Variants in TNC observed in about 807,000 individuals in gnomAD.
The protein encoded by TNC is tenascin C.
In TNC, 109 loss-of-function variants were observed where a neutral mutation model predicts 202.4. The ratio of observed to expected loss-of-function variants is 0.54; its 90% CI spans 0.46 to 0.63. The LOEUF (loss-of-function observed/expected upper bound fraction) is 0.63. Among genes scored for constraint, TNC ranks in the 30% least tolerant of loss-of-function variants. TNC has a pLI of 0.00. For missense variants in TNC, 2,756 were observed against 2,833.3 expected (o/e 0.97, Z 0.62); for synonymous variants, 1,007 against 1,089.7 (o/e 0.92, Z 1.50).
intron 2 of TNC, among the ~76,000 whole-genome samples, chr9:115,088,761 T>C (rs532173741): frequency 2.0e-5 from 3 of 152,014 alleles, no homozygotes; most frequent in South Asian, 2.1e-4. Flanking sequence ...TGGTGGCCCT[T>C]GGCCACATGT....
chr9:115,071,786 T>G lies in TNC; in HGVS notation c.3214+1817A>C, dbSNP rs143411234. Among the ~76,000 whole-genome samples, 971 of 152,276 alleles carry G rather than the reference T, an allele frequency of 6.4e-3. 13 individuals carry two copies. Among genetic ancestry groups the G allele is most frequent in the African/African-American group, 0.023 (938 of 41,546 alleles). ...AAAGAAAAGAGAGGGATTTCATCTT[T>G]TGGGCATTTCTGATTCATTTGTTGC... On this transcript the variant is annotated intron_variant, in intron 10 of 27. Coordinates refer to ENST00000350763, the MANE Select transcript of TNC (RefSeq NM_002160.4).
chr9:115,095,365 A>G lies in TNC; in HGVS notation c.-136-4211T>C, dbSNP rs191395165. 8.4e-4 allele frequency among the ~76,000 whole-genome samples: 127 copies of G among 151,088 alleles called. No homozygotes were observed. In the Middle Eastern group the frequency reaches 0.017, roughly 21 times the overall value. ...CCTACTTTGGCATATGTCTGTTTTT[A>G]AGCAAAGACAAGAGTTCTACAGCAA... On this transcript the variant is annotated intron_variant, in intron 1 of 27. Coordinates refer to ENST00000350763, the MANE Select transcript of TNC (RefSeq NM_002160.4).
chr9:115,029,039 A>G (rs7857539), intron 25 of TNC, among the ~76,000 whole-genome samples: 2 of 148,796 alleles, frequency 1.3e-5, no homozygotes, highest in African/African-American at 4.9e-5. Context: ...TCTCTGGAAA[A>G]AAAAAAAAAA....
rs1588238713 is a variant in TNC, at chr9:115,109,141, C to G, written c.-137+8841G>C. 2.0e-5 allele frequency among the ~76,000 whole-genome samples: 3 copies of G among 152,276 alleles called. No individual in the cohort carries two copies. In the South Asian group the frequency reaches 6.2e-4, roughly 32 times the overall value. On this transcript the variant is annotated intron_variant, in intron 1 of 27. Coordinates refer to ENST00000350763, the MANE Select transcript of TNC (RefSeq NM_002160.4). The stretch of plus-strand genomic sequence containing the variant: ...CACAAAACCCTTTTTTAGGTGATTC[C>G]CATGAGAATGCTTTTCCACATGACA...
At chr9:115,065,969 T>C (rs1832921297) in intron 10 of TNC, among the ~76,000 whole-genome samples, 1 of 151,608 alleles carries the variant, frequency 6.6e-6, no homozygotes, top group Non-Finnish European at 1.5e-5. Context: ...GGGAGGTCTG[T>C]TGTATAGTTT....
At chr9:115,101,849 A>G (rs1240272404) in intron 1 of TNC, among the ~76,000 whole-genome samples, 1 of 152,188 alleles carries the variant, frequency 6.6e-6, no homozygotes, top group Admixed American at 6.5e-5. Flanking sequence ...TAGAAAAGGA[A>G]AGAATTACAA....
At chr9:115,105,063 G>A (rs1165744145) in intron 1 of TNC, among the ~76,000 whole-genome samples, 1 of 152,172 alleles carries the variant, frequency 6.6e-6, no homozygotes, top group African/African-American at 2.4e-5. Flanking sequence ...AGTGGGATTT[G>A]CATCAGAAGG....
intron 18 of TNC, among the ~76,000 whole-genome samples, chr9:115,041,371 G>A (rs1054667006): frequency 1.3e-5 from 2 of 151,626 alleles, no homozygotes; most frequent in African/African-American, 4.9e-5. Flanking sequence ...TAGAGAGCTG[G>A]CACGTTGTGC....
intron 22 of TNC, among the ~76,000 whole-genome samples, chr9:115,033,742 G>C (rs1830117605): frequency 6.6e-6 from 1 of 152,218 alleles, no homozygotes; most frequent in South Asian, 2.1e-4. Context: ...TAAAAAGAGA[G>C]CAAGAGAATG....
At chr9:115,022,572 G>T (rs895245414) in intron 27 of TNC, among the ~76,000 whole-genome samples, 5 of 149,620 alleles carry the variant, frequency 3.3e-5, no homozygotes, top group Non-Finnish European at 7.4e-5. Context: ...TAGCTTGTTG[G>T]TTTTTTTTTT....
At chr9:115,112,533 G>C (rs1225023821) in intron 1 of TNC, 2 of 152,152 alleles carry the variant, frequency 1.3e-5, no homozygotes, top group Admixed American at 6.5e-5. Context: ...CAAGATTCTG[G>C]CTTAGAGGCT....
At position 115,038,316 on chromosome 9, in the gene TNC, C is replaced by T. The variant is rs1588026972; in HGVS notation, c.5457G>A (p.Trp1819Ter). The change falls in exon 20 of 28, where the codon TGG becomes TGA. Residue 1819 changes from tryptophan (W) to a stop codon, truncating the protein, a stop_gained. Transcript: ENST00000350763. LOFTEE classifies it high-confidence loss of function. ...NITDSEALAR[W>*]QPAIATVDSY... ...TGTCCACAGTGGCAATGGCTGGCTG[C>T]CACCTGGCCAAGGCTTCTGAGTCAG... 6.2e-7 allele frequency: 1 copy of T among 1,614,180 alleles called. No homozygotes were observed. Among genetic ancestry groups the T allele is most frequent in the Non-Finnish European group, 8.5e-7 (1 of 1,179,996 alleles).
intron 6 of TNC, among the ~76,000 whole-genome samples, chr9:115,081,474 A>G (rs1206310981): frequency 1.3e-5 from 2 of 152,128 alleles, no homozygotes; most frequent in African/African-American, 2.4e-5. Context: ...GGAGAATGAG[A>G]GGCTCTGCGA....
At chr9:115,023,351 A>C (rs1829232320) in intron 27 of TNC, among the ~76,000 whole-genome samples, 1 of 152,208 alleles carries the variant, frequency 6.6e-6, no homozygotes, top group South Asian at 2.1e-4. Flanking sequence ...CAAGGCTCAG[A>C]GTAAGGGAGA....
intron 10 of TNC, among the ~76,000 whole-genome samples, chr9:115,066,197 C>T (rs985965508): frequency 2.0e-4 from 30 of 152,070 alleles, no homozygotes; most frequent in Admixed American, 1.1e-3. Context: ...ATTCATCTCG[C>T]GAATGCACGA....
chr9:115,067,125 C>T (rs1833013889), intron 10 of TNC, among the ~76,000 whole-genome samples: 1 of 152,192 alleles, frequency 6.6e-6, no homozygotes, highest in Non-Finnish European at 1.5e-5. Context: ...TGTCAACTAC[C>T]TTTAATCCTG....
chr9:115,090,728 C>T lies in TNC; in HGVS notation c.291G>A (p.Gln97=). Residue 97 remains glutamine (Q), a synonymous_variant, in exon 2 of 28, where the codon CAG becomes CAA. Coordinates refer to ENST00000350763, the MANE Select transcript of TNC (RefSeq NM_002160.4). ...TGTTGATGCGATGTGTGAAGACAATCTGGTTTTCCCCATCCACTGTGTGCT... is the reference window on the plus strand; with the variant it reads ...TGTTGATGCGATGTGTGAAGACAATTTGGTTTTCCCCATCCACTGTGTGCT... ...FQEHTVDGEN[Q]IVFTHRINIP... is the part of the protein sequence containing the mutation. 6.2e-7 allele frequency: 1 copy of T among 1,614,198 alleles called. No individual in the cohort carries two copies. The highest frequency in any genetic ancestry group is 8.5e-7 in the Non-Finnish European group (1 of 1,180,030).
At chr9:115,065,351 G>A (rs560090575) in intron 10 of TNC, among the ~76,000 whole-genome samples, 1 of 152,238 alleles carries the variant, frequency 6.6e-6, no homozygotes, top group African/African-American at 2.4e-5. Context: ...AGCTGAGATG[G>A]CGCCATTGCA....
intron 15 of TNC, among the ~76,000 whole-genome samples, chr9:115,054,860 C>G (rs1831983583): frequency 6.6e-6 from 1 of 152,192 alleles, no homozygotes; most frequent in South Asian, 2.1e-4. Flanking sequence ...GACTTTGTGA[C>G]AGCTATCAGT....
Sources: gnomAD v4.1 joint callset for allele counts (sites outside exome capture counted in the v4.1 genomes callset) on GRCh38, gnomAD v4.1.1 for gene constraint, MANE v1.5 for transcripts, NCBI Gene and HGNC (gene_info 2026-07-23, HGNC 2026-07-21) for gene names.